Variants in TRIM69 observed in about 807,000 individuals in gnomAD.
TRIM69 encodes the protein E3 ubiquitin-protein ligase TRIM69.
In TRIM69, 29 loss-of-function variants were observed where a neutral mutation model predicts 37.7. The observed-to-expected ratio is 0.77, with a 90% CI of 0.57 to 1.05. The LOEUF is 1.05. Ranked by LOEUF, TRIM69 falls within the 50% of genes least tolerant of loss-of-function variation. The pLI, the probability that TRIM69 is intolerant of heterozygous loss-of-function variation, is 0.00. For missense variants in TRIM69, 596 were observed against 579.9 expected (o/e 1.03, Z -0.28); for synonymous variants, 209 against 212.4 (o/e 0.98, Z 0.14).
At chr15:44,739,796 G>A (rs1207299645) in intron 1 of TRIM69, among the ~76,000 whole-genome samples, 1 of 151,666 alleles carries the variant, frequency 6.6e-6, no homozygotes, top group Non-Finnish European at 1.5e-5. Flanking sequence ...CCACCTCTGG[G>A]GGCAGGGCAC....
At chr15:44,755,428 T>C (rs746605900) in intron 2 of TRIM69, 52 bp downstream of exon 2, 3 of 1,313,600 alleles carry the variant, frequency 2.3e-6, no homozygotes, top group Non-Finnish European at 3.2e-6. Context: ...AGGAAAAATA[T>C]TTCATAGGGC....
intron 6 of TRIM69, 73 bp from the exon 7 acceptor site, chr15:44,767,158 C>G: frequency 8.9e-7 from 1 of 1,127,840 alleles, no homozygotes; most frequent in Non-Finnish European, 1.2e-6. Context: ...ATATGAAATA[C>G]TATCTTTTAC....
At chr15:44,739,985 T>G (rs904573461) in intron 1 of TRIM69, among the ~76,000 whole-genome samples, 5 of 151,714 alleles carry the variant, frequency 3.3e-5, no homozygotes, top group African/African-American at 1.2e-4. Flanking sequence ...CACCCCCAAG[T>G]AGGGGCAGAC....
At chr15:44,743,318 A>T (rs1214681301) in intron 1 of TRIM69, among the ~76,000 whole-genome samples, 3 of 152,212 alleles carry the variant, frequency 2.0e-5, no homozygotes, top group Non-Finnish European at 2.9e-5. Flanking sequence ...TTAATTCAAG[A>T]CTGATTAAAG....
intron 1 of TRIM69, among the ~76,000 whole-genome samples, chr15:44,741,808 A>G (rs1393733688): frequency 2.6e-5 from 4 of 152,222 alleles, no homozygotes; most frequent in Non-Finnish European, 4.4e-5. Context: ...CAGGCTCCGA[A>G]ATTGTGGCAA....
At position 44,755,231 on chromosome 15, in the gene TRIM69, C is replaced by A. The variant is rs373975533; in HGVS notation, c.338C>A (p.Pro113Gln). The change falls in exon 2 of 7, where the codon CCA becomes CAA. Residue 113 changes from proline to glutamine, a missense_variant. Physicochemically the swap from Pro to Gln is moderately conservative, Grantham distance 76 (BLOSUM62 -1). Coordinates refer to ENST00000329464, the MANE Select transcript of TRIM69 (RefSeq NM_182985.5). ...AAGTTACCCTTACTCAAGGGCCATC[C>A]ACAGTGCCCAGAGCATGGAGAGAAC... ...IKKLPLLKGH[P>Q]QCPEHGENLK... 131 of 1,614,076 alleles carry A rather than the reference C, an allele frequency of 8.1e-5. No homozygotes were observed. The highest frequency in any genetic ancestry group is 1.0e-4 in the Non-Finnish European group (119 of 1,180,038).
intron 6 of TRIM69, among the ~76,000 whole-genome samples, chr15:44,763,769 T>C (rs1192527654): frequency 6.6e-6 from 1 of 152,234 alleles, no homozygotes; most frequent in East Asian, 1.9e-4. Context: ...GCAGTTAACA[T>C]GGTATGACAT....
intron 2 of TRIM69, among the ~76,000 whole-genome samples, chr15:44,755,746 A>G (rs938409769): frequency 6.6e-6 from 1 of 152,250 alleles, no homozygotes; most frequent in Non-Finnish European, 1.5e-5. Flanking sequence ...GCCTCGTGTT[A>G]AAAGTTAAAT....
Position 44,759,647 on chromosome 15 carries a change from CA to C in TRIM69, c.823del (p.Thr275LeufsTer10). ...CTTTCTCCTTTCTTCTAGGACATCA[CA>C]ACTCTCTTACATAGGTAAGTGTTTC... Reference protein sequence around the residue: ...QNSFDFLKDITTLLHSLEQGM... With the variant: ...QNSFDFLKDIXTLLHSLEQGM... On this transcript the variant is annotated frameshift_variant, in exon 5 of 7. Coordinates refer to ENST00000329464, the MANE Select transcript of TRIM69 (RefSeq NM_182985.5). LOFTEE classifies it high-confidence loss of function. 6.2e-7 allele frequency: 1 copy of C among 1,613,990 alleles called. No individual in the cohort carries two copies. The highest frequency in any genetic ancestry group is 1.1e-5 in the South Asian group (1 of 91,066).
intron 6 of TRIM69, among the ~76,000 whole-genome samples, chr15:44,763,984 C>T (rs2087834895): frequency 6.6e-6 from 1 of 152,208 alleles, no homozygotes; most frequent in Non-Finnish European, 1.5e-5. Flanking sequence ...AGAAATTGTT[C>T]AGTCTATTGA....
At chr15:44,743,762 A>C (rs1036785666) in intron 1 of TRIM69, among the ~76,000 whole-genome samples, 4 of 152,222 alleles carry the variant, frequency 2.6e-5, no homozygotes, top group African/African-American at 9.6e-5. Context: ...ATGAGATACC[A>C]TCTCACACCA....
intron 1 of TRIM69, among the ~76,000 whole-genome samples, chr15:44,740,314 A>C (rs2087254093): frequency 6.6e-6 from 1 of 152,254 alleles, no homozygotes; most frequent in Non-Finnish European, 1.5e-5. Flanking sequence ...AACTCTAAAA[A>C]GCAGAGCGCC....
intron 2 of TRIM69, among the ~76,000 whole-genome samples, chr15:44,755,896 C>T (rs2087635457): frequency 6.6e-6 from 1 of 152,096 alleles, no homozygotes; most frequent in Non-Finnish European, 1.5e-5. Context: ...AAGGAAGAAA[C>T]AAATGTTCCA....
At position 44,767,156 on chromosome 15, in the gene TRIM69, T is replaced by C. The variant is rs543578539; in HGVS notation, c.962-75T>C. The C allele has an allele frequency of 3.5e-5, 42 of 1,211,604 alleles. No homozygotes were observed. In the East Asian group the frequency reaches 1.0e-3, roughly 29 times the overall value. The allele number at this position is 1,211,604 out of a possible 1,614,324, so 75.1% of individuals were successfully genotyped here. Reference sequence around the variant, plus strand: ...AGATAAAGTACTATTGAATATGAAATACTATCTTTTACTGTGGGAATTTGT... The same window carrying C: ...AGATAAAGTACTATTGAATATGAAACACTATCTTTTACTGTGGGAATTTGT... On this transcript the variant is annotated intron_variant, in intron 6 of 6. Coordinates refer to ENST00000329464, the MANE Select transcript of TRIM69 (RefSeq NM_182985.5).
intron 6 of TRIM69, among the ~76,000 whole-genome samples, chr15:44,766,373 T>C (rs2087887876): frequency 1.3e-5 from 2 of 152,210 alleles, no homozygotes; most frequent in Non-Finnish European, 2.9e-5. Flanking sequence ...CATTATCTGT[T>C]AAACCAAAAT....
At position 44,750,601 on chromosome 15, in the gene TRIM69, C is replaced by G. The variant is rs1596023506; in HGVS notation, c.7-4299C>G. Among the ~76,000 whole-genome samples, 4 of 151,474 alleles carry G rather than the reference C, an allele frequency of 2.6e-5. No homozygotes were observed. The South Asian group carries it at 8.3e-4, about 32-fold the overall frequency. On this transcript the variant is annotated intron_variant, in intron 1 of 6. Transcript: ENST00000329464. ...TGTACTAATTTACCCACTTTCATTT[C>G]TGATTTTAGTAATTTAAATCTTCTC...
At chr15:44,745,378 A>T (rs1346301462) in intron 1 of TRIM69, among the ~76,000 whole-genome samples, 1 of 152,210 alleles carries the variant, frequency 6.6e-6, no homozygotes, top group Non-Finnish European at 1.5e-5. Flanking sequence ...TAGAAAAGTC[A>T]CTAACTAAAC....
At chr15:44,759,573 T>A (rs770626243) in intron 4 of TRIM69, 67 bp from the exon 5 acceptor site, 10 of 1,556,162 alleles carry the variant, frequency 6.4e-6, no homozygotes, top group Non-Finnish European at 7.9e-6. Context: ...TGGTGGCTGG[T>A]ATCACCAAAG....
At chr15:44,758,467 C>A in intron 3 of TRIM69, 154 bp from the exon 4 acceptor site, 1 of 1,148,568 alleles carries the variant, frequency 8.7e-7, no homozygotes, top group South Asian at 1.6e-5. Context: ...CCAAAGGACT[C>A]ATTTTAGTAT....
Sources: allele counts gnomAD v4.1 joint callset (sites outside exome capture counted in the v4.1 genomes callset), GRCh38; gene constraint gnomAD v4.1.1; transcripts MANE v1.5; gene names NCBI Gene and HGNC (gene_info 2026-07-23, HGNC 2026-07-21).